The following ALPK2 variants were observed in gnomAD, a reference collection of about 807,000 sequenced individuals.
ALPK2 encodes the protein alpha-protein kinase 2.
A neutral mutation model predicts 163.1 loss-of-function variants in ALPK2; 127 were observed. That is an observed-to-expected ratio of 0.78 (90% CI 0.67 to 0.90). The LOEUF is 0.90. ALPK2 is among the 40% of genes least tolerant of loss of function. ALPK2 has a pLI of 0.00. For synonymous variants in ALPK2, 953 were observed against 959.1 expected (o/e 0.99, Z 0.12); for missense variants, 2,360 against 2,589.6 (o/e 0.91, Z 1.92).
intron 12 of ALPK2, among the ~76,000 whole-genome samples, chr18:58,484,485 A>G (rs561861561): frequency 3.3e-5 from 5 of 152,316 alleles, no homozygotes; most frequent in Non-Finnish European, 7.4e-5. Flanking sequence ...CCTGATCTCC[A>G]AAGTGTGAAT....
At chr18:58,573,192 GTGTATATATATGTGTATATA>G (rs1308740528) in intron 4 of ALPK2, among the ~76,000 whole-genome samples, 1 of 95,390 alleles carries the variant, frequency 1.0e-5, no homozygotes, top group Non-Finnish European at 2.2e-5. Flanking sequence ...ATATGTATAT[GTGTATATATATGTGTATATA>G]TGTATATATA....
intron 4 of ALPK2, among the ~76,000 whole-genome samples, chr18:58,539,989 T>C (rs2051682009): frequency 6.6e-6 from 1 of 152,232 alleles, no homozygotes; most frequent in Non-Finnish European, 1.5e-5. Flanking sequence ...AGAAATTTAA[T>C]ATAAACTCCA....
chr18:58,540,039 G>A (rs990945872), intron 4 of ALPK2, among the ~76,000 whole-genome samples: 3 of 152,256 alleles, frequency 2.0e-5, no homozygotes, highest in Non-Finnish European at 4.4e-5. Context: ...CAAATATTTA[G>A]TGAATGCCTC....
Position 58,580,298 on chromosome 18 carries a change from A to T in ALPK2, c.478T>A (p.Ser160Thr). The T allele has an allele frequency of 6.2e-7, 1 of 1,614,120 alleles. No individual in the cohort carries two copies. Among genetic ancestry groups the T allele is most frequent in the Middle Eastern group, 1.7e-4 (1 of 6,060 alleles). ...EESISPGTPRSADSSPSKSNH... is the reference protein window; with the variant it reads ...EESISPGTPRTADSSPSKSNH... The stretch of plus-strand genomic sequence containing the variant: ...GATTTGGAGGGGGAGGAGTCAGCTG[A>T]CCTGGGAGTGCCCGGGGAGATGCTT... The change falls in exon 4 of 13, where the codon TCA becomes ACA. Residue 160 changes from serine (S) to threonine (T), a missense_variant. Physicochemically the swap from Ser to Thr is moderately conservative, Grantham distance 58. Coordinates refer to ENST00000361673, the MANE Select transcript of ALPK2 (RefSeq NM_052947.4).
At chr18:58,620,701 A>G (rs2052193847) in intron 1 of ALPK2, among the ~76,000 whole-genome samples, 1 of 152,254 alleles carries the variant, frequency 6.6e-6, no homozygotes, top group Non-Finnish European at 1.5e-5. Flanking sequence ...AGTTAATTTT[A>G]AAAATAGGAG....
chr18:58,586,267 T>C (rs2051986239), intron 3 of ALPK2, among the ~76,000 whole-genome samples: 1 of 152,218 alleles, frequency 6.6e-6, no homozygotes, highest in Admixed American at 6.5e-5. Flanking sequence ...AAATCAAATC[T>C]GTGCTAAGTT....
chr18:58,579,634 A>C lies in ALPK2; in HGVS notation c.1142T>G (p.Met381Arg). ...LGGCEHFLSG[M>R]GCGSRVSGDA... ...ACCCGACACCCGAGACCCACAACCC[A>C]TTCCACTGAGGAAATGCTCACACCC... The change falls in exon 4 of 13, where the codon ATG becomes AGG. Residue 381 changes from methionine to arginine, a missense_variant. Coordinates refer to ENST00000361673, the MANE Select transcript of ALPK2 (RefSeq NM_052947.4). The C allele has an allele frequency of 3.7e-6, 6 of 1,614,020 alleles. No individual in the cohort carries two copies. The highest frequency in any genetic ancestry group is 5.1e-6 in the Non-Finnish European group (6 of 1,179,992).
chr18:58,553,643 T>C (rs2144167227), intron 4 of ALPK2, among the ~76,000 whole-genome samples: 1 of 152,170 alleles, frequency 6.6e-6, no homozygotes, highest in East Asian at 1.9e-4. Flanking sequence ...TCTCACGAGA[T>C]CTGATGGTTT....
chr18:58,563,215 T>C (rs1452236533), intron 4 of ALPK2, among the ~76,000 whole-genome samples: 1 of 152,218 alleles, frequency 6.6e-6, no homozygotes, highest in Non-Finnish European at 1.5e-5. Flanking sequence ...CTATCTAGCA[T>C]CTAACTTTCA....
rs1490970697 is a variant in ALPK2 at position 58,580,409 on chromosome 18, T to G, written c.367A>C (p.Arg123=). Reference sequence around the variant, plus strand: ...GTCCCTGTTTCATGTTTCCAACCCCTGTCCCTGTCATCTTCCAGGTTAGGA... The same window carrying G: ...GTCCCTGTTTCATGTTTCCAACCCCGGTCCCTGTCATCTTCCAGGTTAGGA... ...LSPNLEDDRD[R]GWKHETGTHE... Residue 123 remains arginine, a synonymous_variant, in exon 4 of 13, where the codon AGG becomes CGG. Transcript: ENST00000361673. 6.2e-7 allele frequency: 1 copy of G among 1,614,074 alleles called. No individual in the cohort carries two copies. The highest frequency in any genetic ancestry group is 8.5e-7 in the Non-Finnish European group (1 of 1,180,038).
chr18:58,619,725 T>C (rs2052188249), intron 1 of ALPK2, among the ~76,000 whole-genome samples: 1 of 152,240 alleles, frequency 6.6e-6, no homozygotes, highest in African/African-American at 2.4e-5. Context: ...TTTTTGTTTT[T>C]TTCTAAACGG....
chr18:58,561,878 A>C (rs936706597), intron 4 of ALPK2, among the ~76,000 whole-genome samples: 4 of 152,148 alleles, frequency 2.6e-5, no homozygotes, highest in African/African-American at 9.7e-5. Context: ...AGGTGGACTG[A>C]GTAGCTATGG....
At chr18:58,491,719 T>TA (rs1044457722) in intron 12 of ALPK2, among the ~76,000 whole-genome samples, 5 of 152,228 alleles carry the variant, frequency 3.3e-5, no homozygotes, top group African/African-American at 1.2e-4. Context: ...CAGCTGGCCC[T>TA]ATGTGAATTA....
chr18:58,539,824 G>A (rs1348011978), intron 4 of ALPK2, among the ~76,000 whole-genome samples: 9 of 152,184 alleles, frequency 5.9e-5, no homozygotes, highest in Non-Finnish European at 1.3e-4. Context: ...CTGCCCGTGG[G>A]AAGCAGGACA....
At chr18:58,521,121 C>T (rs2051548564) in intron 8 of ALPK2, among the ~76,000 whole-genome samples, 1 of 152,188 alleles carries the variant, frequency 6.6e-6, no homozygotes, top group Non-Finnish European at 1.5e-5. Context: ...GAAACTGACA[C>T]CCCCAGTCAC....
chr18:58,502,302 C>T (rs2051436730), intron 11 of ALPK2, among the ~76,000 whole-genome samples: 1 of 152,110 alleles, frequency 6.6e-6, no homozygotes, highest in African/African-American at 2.4e-5. Flanking sequence ...CTGCAGTGAG[C>T]TGTGTTTGCG....
chr18:58,552,357 C>T (rs1456084360), intron 4 of ALPK2, among the ~76,000 whole-genome samples: 1 of 152,140 alleles, frequency 6.6e-6, no homozygotes, highest in Non-Finnish European at 1.5e-5. Flanking sequence ...GTTTCTTCTG[C>T]GCATTCCAAG....
chr18:58,515,188 C>T, intron 9 of ALPK2, 107 bp from the exon 10 acceptor site: 2 of 801,938 alleles, frequency 2.5e-6, no homozygotes, highest in South Asian at 2.1e-5. Flanking sequence ...AGCCAATGAA[C>T]TGACAAGCCC....
intron 4 of ALPK2, among the ~76,000 whole-genome samples, chr18:58,576,008 AG>A (rs2144194047): frequency 6.6e-6 from 1 of 152,344 alleles, no homozygotes; most frequent in African/African-American, 2.4e-5. Flanking sequence ...AGAAAATACT[AG>A]GAAGTAAACT....
Sources: gnomAD v4.1 joint callset for allele counts (sites outside exome capture counted in the v4.1 genomes callset) on GRCh38, gnomAD v4.1.1 for gene constraint, MANE v1.5 for transcripts, NCBI Gene and HGNC (gene_info 2026-07-23, HGNC 2026-07-21) for gene names.